Variants in MYO6 observed in about 807,000 individuals in gnomAD.
MYO6 encodes myosin VI, also known as unconventional myosin-VI.
A neutral mutation model predicts 178.7 loss-of-function variants in MYO6; 74 were observed. The observed-to-expected ratio is 0.41, with a 90% CI of 0.34 to 0.50. MYO6 has a LOEUF of 0.50. MYO6 is among the 20% of genes least tolerant of loss of function. The pLI is 0.09. For synonymous variants in MYO6, 477 were observed against 504.6 expected (o/e 0.95, Z 0.73); for missense variants, 1,330 against 1,547.4 (o/e 0.86, Z 2.36).
chr6:75,798,220 C>T (rs1769058122), intron 1 of MYO6, among the ~76,000 whole-genome samples: 1 of 152,142 alleles, frequency 6.6e-6, no homozygotes, highest in Admixed American at 6.5e-5. Context: ...GTTATCCCAG[C>T]ACCATTTATT....
intron 1 of MYO6, among the ~76,000 whole-genome samples, chr6:75,757,884 G>GTT (rs201818332): frequency 7.1e-6 from 1 of 140,878 alleles, no homozygotes. Context: ...TTGTTACTGT[G>GTT]TTTTTTTTTG....
chr6:75,890,004 T>C, intron 25 of MYO6, 53 bp from the exon 26 acceptor site: 1 of 1,263,098 alleles, frequency 7.9e-7, no homozygotes, highest in Non-Finnish European at 1.2e-6. Flanking sequence ...TTCACATTGT[T>C]GTGCAACAGA....
chr6:75,847,738 GCCTGACC>G (rs1417394115), intron 10 of MYO6, among the ~76,000 whole-genome samples: 1 of 151,962 alleles, frequency 6.6e-6, no homozygotes. Flanking sequence ...AATTGTATCA[GCCTGACC>G]CCTATTTACT....
Position 75,861,032 on chromosome 6 carries a change from C to G in MYO6, c.1483C>G (p.Leu495Val). ...ATTATTTCATTTTTAGGAACAAGAA[C>G]TCTATCAAAAAGAAGGTTTAGGTGT... is the stretch of plus-strand genomic sequence containing the variant. ...NERILKEEQE[L>V]YQKEGLGVNE... The change falls in exon 15 of 35, where the codon CTC becomes GTC. Residue 495 changes from leucine (L) to valine (V), a missense_variant. Physicochemically the swap from Leu to Val is conservative, Grantham distance 32. Coordinates refer to ENST00000369977, the MANE Select transcript of MYO6 (RefSeq NM_004999.4). 1 of 1,597,582 alleles carries G rather than the reference C, an allele frequency of 6.3e-7. No homozygotes were observed. Among genetic ancestry groups the G allele is most frequent in the Non-Finnish European group, 8.6e-7 (1 of 1,165,294 alleles).
intron 1 of MYO6, among the ~76,000 whole-genome samples, chr6:75,763,676 G>A (rs965328135): frequency 2.3e-4 from 35 of 152,038 alleles, no homozygotes; most frequent in African/African-American, 8.5e-4. Flanking sequence ...AGTAGGTTGA[G>A]GTTCAATATG....
At chr6:75,810,071 G>T (rs1204182909) in intron 1 of MYO6, among the ~76,000 whole-genome samples, 1 of 136,634 alleles carries the variant, frequency 7.3e-6, no homozygotes, top group Non-Finnish European at 1.5e-5. Flanking sequence ...GCAACAAAGT[G>T]AGACTCTGTC....
chr6:75,843,910 A>T (rs1388495841), intron 9 of MYO6, among the ~76,000 whole-genome samples: 3 of 152,170 alleles, frequency 2.0e-5, no homozygotes, highest in Non-Finnish European at 2.9e-5. Flanking sequence ...TTTTTTTGGT[A>T]TGTGTATGAT....
chr6:75,811,178 A>G (rs1770671251), intron 1 of MYO6, among the ~76,000 whole-genome samples: 4 of 151,874 alleles, frequency 2.6e-5, no homozygotes, highest in South Asian at 2.1e-4. Flanking sequence ...GTGTGAGGAA[A>G]TCTCTCTCAG....
intron 1 of MYO6, among the ~76,000 whole-genome samples, chr6:75,785,477 T>C (rs1767449301): frequency 6.7e-6 from 1 of 149,612 alleles, no homozygotes; most frequent in East Asian, 1.9e-4. Flanking sequence ...TCTTTTCTTT[T>C]TTTTTTTTTT....
At chr6:75,858,648 T>C (rs1375586534) in intron 13 of MYO6, among the ~76,000 whole-genome samples, 1 of 152,124 alleles carries the variant, frequency 6.6e-6, no homozygotes, top group Non-Finnish European at 1.5e-5. Context: ...TTTTATATCT[T>C]TTAGTATACA....
intron 1 of MYO6, among the ~76,000 whole-genome samples, chr6:75,766,147 AC>A (rs1271278870): frequency 2.0e-5 from 3 of 152,062 alleles, no homozygotes; most frequent in Non-Finnish European, 4.4e-5. Flanking sequence ...ACATGGCGAA[AC>A]CCCGTCTCTA....
In MYO6 at chr6:75,795,637, G is replaced by C. The variant is rs1040072888; in HGVS notation, c.-47-21864G>C. Among the ~76,000 whole-genome samples the C allele has an allele frequency of 1.5e-4, 23 of 152,098 alleles. 1 individual carries two copies. The highest frequency in any genetic ancestry group is 4.1e-4 in the African/African-American group (17 of 41,406). On this transcript the variant is annotated intron_variant, in intron 1 of 34. Coordinates refer to ENST00000369977, the MANE Select transcript of MYO6 (RefSeq NM_004999.4). ...TCCCATTATAATGTTTGATTTATTGGCTACTTAGCAGAATTTTATAGAAAT... is the reference window on the plus strand; with the variant it reads ...TCCCATTATAATGTTTGATTTATTGCCTACTTAGCAGAATTTTATAGAAAT...
At chr6:75,768,064 A>G (rs1250128289) in intron 1 of MYO6, 2 of 151,930 alleles carry the variant, frequency 1.3e-5, no homozygotes, top group African/African-American at 4.8e-5. Context: ...TAAAAAAGAA[A>G]CTGAAACATT....
chr6:75,917,554 C>T lies in MYO6; in HGVS notation c.*2542C>T, dbSNP rs1397407267. ...TAAAGTTGGGGAGATGGCACCTTCT[C>T]AGAGGATTGTGAAAATATGAGGAAG... On this transcript the variant is annotated 3_prime_UTR_variant, in exon 35 of 35. Coordinates refer to ENST00000369977, the MANE Select transcript of MYO6 (RefSeq NM_004999.4). 2.6e-5 allele frequency: 4 copies of T among 152,118 alleles called. No homozygotes were observed. The highest frequency in any genetic ancestry group is 2.0e-4 in the Admixed American group (3 of 15,278). 9.4% of individuals were successfully genotyped at this position (152,118 alleles called of 1,614,324 possible).
At chr6:75,774,049 C>A (rs1389160884) in intron 1 of MYO6, among the ~76,000 whole-genome samples, 1 of 152,118 alleles carries the variant, frequency 6.6e-6, no homozygotes, top group East Asian at 1.9e-4. Flanking sequence ...ACTAATGCTG[C>A]TGTATCAAGA....
Position 75,892,703 on chromosome 6 carries a change from C to T in MYO6, c.3107+13C>T. The T allele has an allele frequency of 6.2e-7, 1 of 1,612,058 alleles. No individual in the cohort carries two copies. The highest frequency in any genetic ancestry group is 8.5e-7 in the Non-Finnish European group (1 of 1,179,908). On this transcript the variant is annotated intron_variant, in intron 28 of 34. Transcript: ENST00000369977. ...TGGCGCTGCGGAGGTACTGGGGCCC[C>T]TGGGTGGGGTATAGCGCTCTCTCCT...
intron 31 of MYO6, 124 bp downstream of exon 31, chr6:75,907,832 A>T: frequency 1.9e-6 from 1 of 532,088 alleles, no homozygotes; most frequent in Non-Finnish European, 3.4e-6. Flanking sequence ...GTGTATGTAC[A>T]TATAATACCT....
At chr6:75,762,000 C>T (rs1488063466) in intron 1 of MYO6, among the ~76,000 whole-genome samples, 15 of 150,912 alleles carry the variant, frequency 9.9e-5, no homozygotes, top group Admixed American at 4.0e-4. Flanking sequence ...GGCGTGATCT[C>T]GGCTCACTAC....
intron 8 of MYO6, among the ~76,000 whole-genome samples, chr6:75,840,958 A>T (rs1013903021): frequency 6.6e-6 from 1 of 152,152 alleles, no homozygotes; most frequent in Admixed American, 6.5e-5. Flanking sequence ...TGCAAGGTCA[A>T]TTGTGATTCT....
Sources: allele counts gnomAD v4.1 joint callset (sites outside exome capture counted in the v4.1 genomes callset), GRCh38; gene constraint gnomAD v4.1.1; transcripts MANE v1.5; gene names NCBI Gene and HGNC (gene_info 2026-07-23, HGNC 2026-07-21).